The following DLGAP2 variants were observed in gnomAD, a reference collection of about 807,000 sequenced individuals.
DLGAP2 encodes DLG associated protein 2.
In DLGAP2, 26 loss-of-function variants were observed where a neutral mutation model predicts 100.3. The observed-to-expected ratio is 0.26, with a 90% CI of 0.19 to 0.36. The LOEUF is 0.36. DLGAP2 is among the 10% of genes least tolerant of loss of function. The pLI, the probability that DLGAP2 is intolerant of heterozygous loss-of-function variation, is 1.00. For synonymous variants in DLGAP2, 886 were observed against 630.1 expected (o/e 1.41, Z -6.08); for missense variants, 1,858 against 1,453.2 (o/e 1.28, Z -4.53).
chr8:1,596,802 A>T (rs1796472956), intron 6 of DLGAP2, among the ~76,000 whole-genome samples: 1 of 152,176 alleles, frequency 6.6e-6, no homozygotes, highest in Non-Finnish European at 1.5e-5. Flanking sequence ...ATAGATTACA[A>T]ACATTTTCTC....
At chr8:1,623,104 T>C (rs975884044) in intron 6 of DLGAP2, among the ~76,000 whole-genome samples, 3 of 152,228 alleles carry the variant, frequency 2.0e-5, no homozygotes, top group Non-Finnish European at 4.4e-5. Context: ...CAAATGAGGC[T>C]GAGGTTTTAT....
At chr8:1,532,993 T>C (rs1034513696) in intron 4 of DLGAP2, among the ~76,000 whole-genome samples, 2 of 152,176 alleles carry the variant, frequency 1.3e-5, no homozygotes, top group Admixed American at 1.3e-4. Flanking sequence ...TGCACTTCTG[T>C]CTACTCTCCT....
Position 1,697,226 on chromosome 8 carries a change from T to A in DLGAP2, c.2876T>A (p.Val959Asp), listed in dbSNP as rs2130886195. ...ATGCTGCAGCTCTCCATTGAGGACG[T>A]CAGCATGAAGTTCGACGAGCTGCAG... ...WDMLQLSIED[V>D]SMKFDELQRL... Residue 959 changes from valine to aspartate, a missense_variant, in exon 14 of 15, where the codon GTC (valine) becomes GAC (aspartate). Coordinates refer to ENST00000637795, the MANE Select transcript of DLGAP2 (RefSeq NM_001346810.2). The A allele has an allele frequency of 6.2e-7, 1 of 1,611,854 alleles. No homozygotes were observed. The highest frequency in any genetic ancestry group is 2.2e-5 in the East Asian group (1 of 44,798).
rs560091057 is a variant in DLGAP2, at chr8:1,245,088, C to CA, written c.74-13761dup. 2.9e-4 allele frequency among the ~76,000 whole-genome samples: 44 copies of CA among 152,290 alleles called. 1 individual carries two copies. The South Asian group carries it at 9.1e-3, about 32-fold the overall frequency. On this transcript the variant is annotated intron_variant, in intron 2 of 14. Transcript: ENST00000637795. The stretch of plus-strand genomic sequence containing the variant: ...GGATGGCCATAATGGCAGAGACAGA[C>CA]AATCGTAAGTGCTGGCAAGATCCTG...
intron 3 of DLGAP2, among the ~76,000 whole-genome samples, chr8:1,422,825 A>C (rs1355479324): frequency 6.6e-6 from 1 of 152,178 alleles, no homozygotes; most frequent in Non-Finnish European, 1.5e-5. Context: ...AGCAGTCTTC[A>C]AATGTGAGAG....
intron 2 of DLGAP2, among the ~76,000 whole-genome samples, chr8:1,258,240 C>A (rs1478362096): frequency 2.0e-5 from 3 of 152,194 alleles, no homozygotes; most frequent in Non-Finnish European, 2.9e-5. Context: ...AATATTGAAA[C>A]TGGGATAAAA....
At chr8:868,995 A>C (rs1046534648) in intron 1 of DLGAP2, among the ~76,000 whole-genome samples, 23 of 152,204 alleles carry the variant, frequency 1.5e-4, no homozygotes, top group Non-Finnish European at 8.8e-5. Context: ...GTTTGGTCTA[A>C]CTTTGATCCA....
chr8:1,598,289 C>T (rs1796521072), intron 6 of DLGAP2, among the ~76,000 whole-genome samples: 1 of 152,192 alleles, frequency 6.6e-6, no homozygotes, highest in African/African-American at 2.4e-5. Flanking sequence ...AGGATTTCTG[C>T]ATCCATGTTC....
At chr8:1,240,782 T>C (rs74611353) in intron 2 of DLGAP2, among the ~76,000 whole-genome samples, 147 of 8,376 alleles carry the variant, frequency 0.018, 32 homozygotes, top group African/African-American at 0.098. Flanking sequence ...TCTCACATGG[T>C]GCCGTTTCTA....
At chr8:798,369 C>A (rs1014995797) in intron 1 of DLGAP2, among the ~76,000 whole-genome samples, 2 of 147,862 alleles carry the variant, frequency 1.4e-5, no homozygotes, top group Non-Finnish European at 3.0e-5. Flanking sequence ...CAGCCCCGTG[C>A]CCCGGTGCTG....
intron 3 of DLGAP2, among the ~76,000 whole-genome samples, chr8:1,334,557 G>C (rs1801228347): frequency 6.6e-6 from 1 of 152,134 alleles, no homozygotes; most frequent in Non-Finnish European, 1.5e-5. Context: ...ACGCAGATGT[G>C]AGTGTGAGAG....
At chr8:1,370,288 G>A (rs143087641) in intron 3 of DLGAP2, among the ~76,000 whole-genome samples, 1 of 152,194 alleles carries the variant, frequency 6.6e-6, no homozygotes, top group Non-Finnish European at 1.5e-5. Flanking sequence ...GCAGTTCCCC[G>A]AAGGTCGGCA....
At position 798,478 on chromosome 8, in the gene DLGAP2, G is replaced by A. The variant is rs578228974; in HGVS notation, c.18+60653G>A. On this transcript the variant is annotated intron_variant, in intron 1 of 14. Transcript: ENST00000637795. ...CCCCGGCGCTGACCAGGTGATGGGT[G>A]CCTGCTTCCGTTGGCACTGAAAGCA... is the stretch of plus-strand genomic sequence containing the variant. Among the ~76,000 whole-genome samples, 6 of 146,840 alleles carry A rather than the reference G, an allele frequency of 4.1e-5. No individual in the cohort carries two copies. The South Asian group carries it at 1.3e-3, about 32-fold the overall frequency.
At chr8:1,299,293 G>A (rs1374629845) in intron 3 of DLGAP2, among the ~76,000 whole-genome samples, 1 of 152,218 alleles carries the variant, frequency 6.6e-6, no homozygotes, top group African/African-American at 2.4e-5. Context: ...GGTGCCGCAT[G>A]GATGGTCTGT....
At chr8:1,616,480 T>C (rs905230646) in intron 6 of DLGAP2, among the ~76,000 whole-genome samples, 3 of 152,012 alleles carry the variant, frequency 2.0e-5, no homozygotes, top group African/African-American at 7.3e-5. Flanking sequence ...GAGAGACAAG[T>C]CTGTAAAGCA....
intron 3 of DLGAP2, among the ~76,000 whole-genome samples, chr8:1,350,201 TGC>T (rs1563098947): frequency 0.01 from 1,509 of 147,532 alleles, 31 homozygotes; most frequent in African/African-American, 0.028. Flanking sequence ...GTCCTGAGTG[TGC>T]GTGGAAAGGC....
chr8:869,611 C>G (rs1797560112), intron 1 of DLGAP2, among the ~76,000 whole-genome samples: 1 of 152,162 alleles, frequency 6.6e-6, no homozygotes, highest in Non-Finnish European at 1.5e-5. Flanking sequence ...AGGCTGGCAG[C>G]TGGATAAAGG....
chr8:1,502,574 G>C (rs1243933307), intron 4 of DLGAP2, among the ~76,000 whole-genome samples: 1 of 152,188 alleles, frequency 6.6e-6, no homozygotes, highest in Non-Finnish European at 1.5e-5. Context: ...GGAAATAGAC[G>C]AGTGAAAGTA....
At chr8:1,365,123 CAG>C (rs1802079565) in intron 3 of DLGAP2, among the ~76,000 whole-genome samples, 1 of 152,148 alleles carries the variant, frequency 6.6e-6, no homozygotes, top group South Asian at 2.1e-4. Flanking sequence ...AGCGGGAGGT[CAG>C]GGGCCTGCAG....
Sources: allele counts gnomAD v4.1 joint callset (sites outside exome capture counted in the v4.1 genomes callset), GRCh38; gene constraint gnomAD v4.1.1; transcripts MANE v1.5; gene names NCBI Gene and HGNC (gene_info 2026-07-23, HGNC 2026-07-21).